The following C21orf91 variants were observed in gnomAD, a reference collection of about 807,000 sequenced individuals.
The protein encoded by C21orf91 is protein EURL homolog.
A neutral mutation model predicts 32.9 loss-of-function variants in C21orf91; 26 were observed. The observed-to-expected ratio is 0.79, with a 90% CI of 0.58 to 1.10. C21orf91 has a LOEUF of 1.10. Ranked by LOEUF, C21orf91 falls within the 50% of genes least tolerant of loss-of-function variation. C21orf91 has a pLI of 0.00. For missense variants in C21orf91, 310 were observed against 341.3 expected (o/e 0.91, Z 0.72); for synonymous variants, 126 against 120.4 (o/e 1.05, Z -0.31).
intron 2 of C21orf91, among the ~76,000 whole-genome samples, chr21:17,816,397 G>T (rs2062665095): frequency 6.6e-6 from 1 of 152,180 alleles, no homozygotes; most frequent in African/African-American, 2.4e-5. Flanking sequence ...ATCATGGCAT[G>T]AACTCCATTA....
At chr21:17,806,330 G>T (rs908785772) in intron 2 of C21orf91, among the ~76,000 whole-genome samples, 1 of 152,210 alleles carries the variant, frequency 6.6e-6, no homozygotes, top group African/African-American at 2.4e-5. Flanking sequence ...AGAAATAAGA[G>T]ACCCTAAATG....
At chr21:17,819,083 C>T (rs1272470550) in intron 1 of C21orf91, 3 of 152,232 alleles carry the variant, frequency 2.0e-5, no homozygotes, top group South Asian at 2.1e-4. Flanking sequence ...GCCTCAGCGT[C>T]TCGGGGAGCC....
intron 4 of C21orf91, among the ~76,000 whole-genome samples, chr21:17,794,332 TGTTA>T (rs2146244775): frequency 6.6e-6 from 1 of 152,302 alleles, no homozygotes; most frequent in South Asian, 2.1e-4. Flanking sequence ...GAACATTACT[TGTTA>T]GTGTTAGCAT....
chr21:17,795,184 A>T, intron 4 of C21orf91, 24 bp downstream of exon 4: 1 of 1,549,786 alleles, frequency 6.5e-7, no homozygotes, highest in Non-Finnish European at 8.9e-7. Context: ...TCACACACAA[A>T]AAAGTACTGA....
rs186949293 is a variant in C21orf91 at position 17,790,848 on chromosome 21, C to T, written c.*2567G>A. 6.6e-6 allele frequency: 1 copy of T among 152,194 alleles called. No homozygotes were observed. Among genetic ancestry groups the T allele is most frequent in the East Asian group, 1.9e-4 (1 of 5,192 alleles). The allele number at this position is 152,194 out of a possible 1,614,324, so 9.4% of individuals were successfully genotyped here. On this transcript the variant is annotated 3_prime_UTR_variant, in exon 5 of 5. Transcript: ENST00000284881. ...TTCTAATTTTTAAAACTCAATTTAA[C>T]GTGTCAAATTATAAAACTGAACGTG...
rs546473139 is a variant in C21orf91 at position 17,816,790 on chromosome 21, T to C, written c.127+1402A>G. On this transcript the variant is annotated intron_variant, in intron 2 of 4. Transcript: ENST00000284881. ...AGCAACCCTGGGCAGTCCAACTTTT[T>C]GGCTGTTTCCTTAAATGTAAAATAC... is the stretch of plus-strand genomic sequence containing the variant. 6.6e-5 allele frequency among the ~76,000 whole-genome samples: 10 copies of C among 152,318 alleles called. No individual in the cohort carries two copies. In the South Asian group the frequency reaches 2.1e-3, roughly 32 times the overall value.
chr21:17,813,052 G>C (rs2062643227), intron 2 of C21orf91, among the ~76,000 whole-genome samples: 2 of 152,150 alleles, frequency 1.3e-5, no homozygotes. Context: ...AGATCACCAA[G>C]CTAAAGTTCA....
Position 17,818,266 on chromosome 21 carries a change from C to T in C21orf91, c.53G>A (p.Cys18Tyr). ...GTCTGTTCCCAGTTTACAAACACTG[C>T]AAATGTTGTCATCATTCAAATCAAT... ...VNIDLNDDNICSVCKLGTDKE... is the reference protein window; with the variant it reads ...VNIDLNDDNIYSVCKLGTDKE... The change falls in exon 2 of 5, where the codon TGC becomes TAC. Residue 18 changes from cysteine (C) to tyrosine (Y), a missense_variant. Physicochemically the swap from Cys to Tyr is radical, Grantham distance 194 (BLOSUM62 -2). Transcript: ENST00000284881. 1.2e-6 allele frequency: 2 copies of T among 1,611,372 alleles called. No homozygotes were observed. Among genetic ancestry groups the T allele is most frequent in the Middle Eastern group, 1.7e-4 (1 of 6,048 alleles).
intron 2 of C21orf91, among the ~76,000 whole-genome samples, chr21:17,810,240 G>A (rs1350215996): frequency 6.6e-6 from 1 of 152,108 alleles, no homozygotes; most frequent in Non-Finnish European, 1.5e-5. Flanking sequence ...GTGATTAAAT[G>A]TAACAGCAAA....
chr21:17,803,830 G>GTT (rs1224446280), intron 2 of C21orf91, among the ~76,000 whole-genome samples: 9 of 152,120 alleles, frequency 5.9e-5, no homozygotes, highest in Non-Finnish European at 1.2e-4. Context: ...AAGCCCTGTG[G>GTT]GTAGAAGTGG....
At chr21:17,809,795 T>G (rs924283554) in intron 2 of C21orf91, among the ~76,000 whole-genome samples, 1 of 152,198 alleles carries the variant, frequency 6.6e-6, no homozygotes, top group Non-Finnish European at 1.5e-5. Context: ...GTTGCTCAGT[T>G]AGTATTTATT....
chr21:17,803,960 C>T (rs917856661), intron 2 of C21orf91, among the ~76,000 whole-genome samples: 2 of 152,172 alleles, frequency 1.3e-5, no homozygotes. Flanking sequence ...GGCTGCTGAA[C>T]TGGGTATGTG....
At chr21:17,812,860 T>A (rs920096975) in intron 2 of C21orf91, among the ~76,000 whole-genome samples, 13 of 151,992 alleles carry the variant, frequency 8.6e-5, no homozygotes, top group African/African-American at 2.9e-4. Context: ...GTTATAAAAG[T>A]GAGTTTAGCT....
chr21:17,801,323 T>G (rs1321026599), intron 2 of C21orf91, among the ~76,000 whole-genome samples: 2 of 151,008 alleles, frequency 1.3e-5, no homozygotes, highest in East Asian at 3.9e-4. Flanking sequence ...CAGGCTGGAG[T>G]GCAGTGGTGC....
intron 2 of C21orf91, among the ~76,000 whole-genome samples, chr21:17,809,621 C>T (rs1166137822): frequency 6.6e-6 from 1 of 152,138 alleles, no homozygotes; most frequent in East Asian, 1.9e-4. Flanking sequence ...GTCTATTATA[C>T]TTCATAGTGG....
chr21:17,794,793 G>A (rs561034319), intron 4 of C21orf91, among the ~76,000 whole-genome samples: 2 of 152,140 alleles, frequency 1.3e-5, no homozygotes, highest in South Asian at 2.1e-4. Context: ...GTGGCTGGGC[G>A]CAGTGGCTCA....
chr21:17,813,118 T>C (rs2062643548), intron 2 of C21orf91, among the ~76,000 whole-genome samples: 1 of 152,234 alleles, frequency 6.6e-6, no homozygotes. Context: ...TACATGATGT[T>C]TGCCATTACA....
At chr21:17,799,672 G>A (rs1268333062) in intron 2 of C21orf91, among the ~76,000 whole-genome samples, 3 of 151,962 alleles carry the variant, frequency 2.0e-5, no homozygotes, top group Non-Finnish European at 4.4e-5. Flanking sequence ...TAACCCAAAT[G>A]TCTGGGTTAG....
chr21:17,812,352 G>C (rs1489839370), intron 2 of C21orf91, among the ~76,000 whole-genome samples: 15 of 152,160 alleles, frequency 9.9e-5, no homozygotes, highest in Admixed American at 9.8e-4. Flanking sequence ...TTGCTATGGT[G>C]TGAATGTGTC....
Sources: gnomAD v4.1 joint callset for allele counts (sites outside exome capture counted in the v4.1 genomes callset) on GRCh38, gnomAD v4.1.1 for gene constraint, MANE v1.5 for transcripts, NCBI Gene and HGNC (gene_info 2026-07-23, HGNC 2026-07-21) for gene names.